Variants in LRIG3 observed in about 807,000 individuals in gnomAD.
The protein encoded by LRIG3 is leucine-rich repeats and immunoglobulin-like domains protein 3.
In LRIG3, 76 loss-of-function variants were observed where a neutral mutation model predicts 114.5. The ratio of observed to expected loss-of-function variants is 0.66; its 90% CI spans 0.55 to 0.80. The LOEUF (loss-of-function observed/expected upper bound fraction) is 0.80, where lower values mean the gene tolerates loss of function less well. Among genes scored for constraint, LRIG3 ranks in the 30% least tolerant of loss-of-function variants. The pLI is 0.00. For missense variants in LRIG3, 1,239 were observed against 1,382.8 expected (o/e 0.90, Z 1.65); for synonymous variants, 512 against 519.8 (o/e 0.98, Z 0.20).
At chr12:58,919,856 C>G in intron 1 of LRIG3, 144 bp downstream of exon 1, 5 of 918,722 alleles carry the variant, frequency 5.4e-6, no homozygotes, top group Non-Finnish European at 8.2e-6. Flanking sequence ...TTTTCCACGC[C>G]CACGGAGCGC....
chr12:58,919,283 A>T, intron 1 of LRIG3: 1 of 1,055,490 alleles, frequency 9.5e-7, no homozygotes, highest in Non-Finnish European at 1.3e-6. Context: ...AAACTTGCAT[A>T]AGAGCTCCCT....
intron 18 of LRIG3, chr12:58,873,623 T>A (rs892095334): frequency 5.4e-6 from 1 of 183,674 alleles, no homozygotes; most frequent in Non-Finnish European, 1.2e-5. Flanking sequence ...TAGCAGTTGT[T>A]GCTAGGTAGG....
chr12:58,872,452 T>G lies in LRIG3; in HGVS notation c.*120A>C, dbSNP rs1404914075. On this transcript the variant is annotated 3_prime_UTR_variant, in exon 19 of 19. Transcript: ENST00000320743. ...TGTAATTTTGGTTCATCTGTATAAATAAAGCATTTTTATCCTTTTAAAATT... is the reference window on the plus strand; with the variant it reads ...TGTAATTTTGGTTCATCTGTATAAAGAAAGCATTTTTATCCTTTTAAAATT... The G allele has an allele frequency of 8.4e-7, 1 of 1,190,488 alleles. No homozygotes were observed. Among genetic ancestry groups the G allele is most frequent in the Non-Finnish European group, 1.1e-6 (1 of 902,042 alleles). The allele number at this position is 1,190,488 out of a possible 1,614,324, so 73.7% of individuals were successfully genotyped here.
rs1872615946 is a variant in LRIG3, at chr12:58,920,072, C to T, written c.164G>A (p.Gly55Glu). The change falls in exon 1 of 19, where the codon GGG becomes GAG. Residue 55 changes from glycine to glutamate, a missense_variant. By Grantham distance (98) the Gly-to-Glu change is moderately conservative. Coordinates refer to ENST00000320743, the MANE Select transcript of LRIG3 (RefSeq NM_153377.5). Reference sequence around the variant, plus strand: ...CTTACGACTGCAGTCCAGCAGGTCCCCGAGGCAGCGGCAGGTAGTGGGGCA... The same window carrying T: ...CTTACGACTGCAGTCCAGCAGGTCCTCGAGGCAGCGGCAGGTAGTGGGGCA... ...RPCPTTCRCLGDLLDCSRKRL... is the reference protein window; with the variant it reads ...RPCPTTCRCLEDLLDCSRKRL... The T allele has an allele frequency of 1.3e-6, 2 of 1,556,726 alleles. No homozygotes were observed. The highest frequency in any genetic ancestry group is 1.7e-6 in the Non-Finnish European group (2 of 1,150,476).
At position 58,872,157 on chromosome 12, in the gene LRIG3, A is replaced by G. The variant is rs1870758789; in HGVS notation, c.*415T>C. On this transcript the variant is annotated 3_prime_UTR_variant, in exon 19 of 19. Transcript: ENST00000320743. ...TATTGTATAAATGGGGCTTGGCATC[A>G]AATTGACACATTTTATTAAATATAA... 6.6e-6 allele frequency: 1 copy of G among 152,654 alleles called. No individual in the cohort carries two copies. Among genetic ancestry groups the G allele is most frequent in the African/African-American group, 2.4e-5 (1 of 41,460 alleles). 9.5% of individuals were successfully genotyped at this position (152,654 alleles called of 1,614,324 possible).
At chr12:58,888,787 C>G in intron 6 of LRIG3, 32 bp downstream of exon 6, 2 of 1,609,960 alleles carry the variant, frequency 1.2e-6, no homozygotes, top group Non-Finnish European at 1.7e-6. Context: ...GATCATACTA[C>G]CTCAGTAGGA....
Position 58,876,509 on chromosome 12 carries a change from T to TC in LRIG3, c.2630dup (p.Ser878LysfsTer19). ...AAGATGTGACAAACTGGTGGTGGCT[T>TC]CCACTTTCTGAAGACACGTACCCAT... On this transcript the variant is annotated frameshift_variant, in exon 16 of 19. Transcript: ENST00000320743. LOFTEE classifies it high-confidence loss of function. 6.2e-7 allele frequency: 1 copy of TC among 1,614,138 alleles called. No individual in the cohort carries two copies. The highest frequency in any genetic ancestry group is 8.5e-7 in the Non-Finnish European group (1 of 1,180,008).
chr12:58,908,180 C>G (rs1872138229), intron 3 of LRIG3, among the ~76,000 whole-genome samples: 1 of 152,206 alleles, frequency 6.6e-6, no homozygotes, highest in Non-Finnish European at 1.5e-5. Context: ...TCCAAGCCAG[C>G]AGATGGCGGA....
intron 13 of LRIG3, among the ~76,000 whole-genome samples, chr12:58,879,917 G>C (rs2073580029): frequency 6.6e-6 from 1 of 152,202 alleles, no homozygotes. Flanking sequence ...TTCACACACA[G>C]ATCTCTGAAT....
rs780923917 is a variant in LRIG3 at position 58,874,022 on chromosome 12, C to T, written c.3115+33G>A. The T allele has an allele frequency of 3.7e-6, 6 of 1,610,762 alleles. No homozygotes were observed. The South Asian group carries it at 6.6e-5, about 18-fold the overall frequency. Reference sequence around the variant, plus strand: ...ACACACAACTTGGAGTATGGATCCTCAGACGAGGTACCTGATAACTTAATA... The same window carrying T: ...ACACACAACTTGGAGTATGGATCCTTAGACGAGGTACCTGATAACTTAATA... On this transcript the variant is annotated intron_variant, in intron 18 of 18. Transcript: ENST00000320743.
chr12:58,885,695 A>G, intron 10 of LRIG3, 136 bp downstream of exon 10: 1 of 436,872 alleles, frequency 2.3e-6, no homozygotes, highest in Non-Finnish European at 4.2e-6. Flanking sequence ...AAAGATAGGG[A>G]GATGTTTAAA....
chr12:58,883,748 A>G (rs1045901619), intron 10 of LRIG3, among the ~76,000 whole-genome samples, 157 bp from the exon 11 acceptor site: 2 of 152,226 alleles, frequency 1.3e-5, no homozygotes, highest in South Asian at 2.1e-4. Flanking sequence ...AATCCACTGC[A>G]AAGCTTGTGC....
chr12:58,889,028 G>T, intron 5 of LRIG3, 66 bp from the exon 6 acceptor site: 2 of 1,461,068 alleles, frequency 1.4e-6, no homozygotes, highest in Non-Finnish European at 9.4e-7. Flanking sequence ...AATAAAATGT[G>T]TCATTACTAC....
chr12:58,889,073 C>T, intron 5 of LRIG3, 111 bp from the exon 6 acceptor site: 1 of 972,818 alleles, frequency 1.0e-6, no homozygotes. Flanking sequence ...CAATTACATA[C>T]AGTGTTTTCA....
chr12:58,880,314 G>GA, intron 13 of LRIG3: 2 of 512,918 alleles, frequency 3.9e-6, no homozygotes, highest in Admixed American at 3.2e-5. Context: ...AAAAAAAAAA[G>GA]AAAAAGAAAA....
rs1054818466 is a variant in LRIG3 at position 58,899,699 on chromosome 12, C to T, written c.384-8903G>A. 2.6e-5 allele frequency among the ~76,000 whole-genome samples: 4 copies of T among 152,102 alleles called. No homozygotes were observed. In the South Asian group the frequency reaches 8.3e-4, roughly 32 times the overall value. On this transcript the variant is annotated intron_variant, in intron 3 of 18. Coordinates refer to ENST00000320743, the MANE Select transcript of LRIG3 (RefSeq NM_153377.5). Reference sequence around the variant, plus strand: ...CAAACTCTGACTTCATTGTTAGAAACGTCTTCAAAAGTCTGATGATCACTG... The same window carrying T: ...CAAACTCTGACTTCATTGTTAGAAATGTCTTCAAAAGTCTGATGATCACTG...
At position 58,877,505 on chromosome 12, in the gene LRIG3, C is replaced by T. The variant is rs182975777; in HGVS notation, c.2431G>A (p.Val811Met). Residue 811 changes from valine to methionine, a missense_variant, in exon 15 of 19, where the codon GTG (valine) becomes ATG (methionine). Transcript: ENST00000320743. The stretch of plus-strand genomic sequence containing the variant: ...ACACAGCAAACCACGGCTATGATCA[C>T]GACACCCACAGTGGCCCATCCGTCA... ...DDDGWATVGV[V>M]IIAVVCCVVG... 75 of 1,614,198 alleles carry T rather than the reference C, an allele frequency of 4.6e-5. 1 individual carries two copies. In the Admixed American group the frequency reaches 6.8e-4, roughly 15 times the overall value.
Position 58,874,077 on chromosome 12 carries a change from AACCG to A in LRIG3, c.3089_3092del (p.Ser1030LeufsTer20). ...TACCCATGAAAGAATTACTCGAGGC[AACCG>A]ACGCTGGCTCTGGATTTGCACTAAA... On this transcript the variant is annotated frameshift_variant, in exon 18 of 19. Coordinates refer to ENST00000320743, the MANE Select transcript of LRIG3 (RefSeq NM_153377.5). LOFTEE classifies it high-confidence loss of function. The A allele has an allele frequency of 1.2e-6, 2 of 1,613,260 alleles. No homozygotes were observed. Among genetic ancestry groups the A allele is most frequent in the Non-Finnish European group, 1.7e-6 (2 of 1,179,160 alleles).
chr12:58,890,236 C>T, intron 4 of LRIG3, 97 bp from the exon 5 acceptor site: 1 of 1,265,248 alleles, frequency 7.9e-7, no homozygotes, highest in Middle Eastern at 2.0e-4. Flanking sequence ...GAGAACTTAA[C>T]CATCAATGGA....
Sources: allele counts gnomAD v4.1 joint callset (sites outside exome capture counted in the v4.1 genomes callset), GRCh38; gene constraint gnomAD v4.1.1; transcripts MANE v1.5; gene names NCBI Gene and HGNC (gene_info 2026-07-23, HGNC 2026-07-21).